The following CSMD2 variants were observed in gnomAD, a reference collection of about 807,000 sequenced individuals.
The protein encoded by CSMD2 is CUB and Sushi multiple domains 2, also known as CUB and sushi domain-containing protein 2.
A neutral mutation model predicts 398.5 loss-of-function variants in CSMD2; 130 were observed. The observed-to-expected ratio is 0.33, with a 90% CI of 0.28 to 0.38. The LOEUF (loss-of-function observed/expected upper bound fraction) is 0.38. Among genes scored for constraint, CSMD2 ranks in the 10% least tolerant of loss-of-function variants. The probability of loss-of-function intolerance (pLI) is 1.00; values close to 1 mark genes in which losing one functional copy is unlikely to be tolerated. For missense variants in CSMD2, 3,829 were observed against 4,764.9 expected, an observed-to-expected ratio of 0.80 and a Z score of 5.78; for synonymous variants, 1,828 against 1,908.5, an observed-to-expected ratio of 0.96 and a Z score of 1.10.
intron 3 of CSMD2, among the ~76,000 whole-genome samples, chr1:34,017,331 G>A (rs1648270009): frequency 6.6e-6 from 1 of 152,224 alleles, no homozygotes; most frequent in Admixed American, 6.5e-5. Flanking sequence ...TCTTCTGTGA[G>A]AGAAACTCTC....
chr1:33,571,492 G>A (rs1557553737), intron 51 of CSMD2, 40 bp downstream of exon 51: 1 of 1,372,642 alleles, frequency 7.3e-7, no homozygotes. Flanking sequence ...AGGTAGGAGG[G>A]ACCCTGCTAA....
Position 34,163,357 on chromosome 1 carries a change from G to A in CSMD2, c.187+1554C>T, listed in dbSNP as rs1426417299. On this transcript the variant is annotated intron_variant, in intron 1 of 70. Transcript: ENST00000373381. This position sits in a 1 kb window ranked among gnomAD's most constrained non-coding sequence, Gnocchi z 5.4. ...GCGCGCACCGCGGGCGCCCCTCTCT[G>A]GGTGTCGGTGGCTATGACTCTTAGC... Among the ~76,000 whole-genome samples, 1 of 152,210 alleles carries A rather than the reference G, an allele frequency of 6.6e-6. No individual in the cohort carries two copies. Among genetic ancestry groups the A allele is most frequent in the East Asian group, 1.9e-4 (1 of 5,168 alleles).
intron 13 of CSMD2, among the ~76,000 whole-genome samples, chr1:33,764,799 A>G (rs1309027584): frequency 1.3e-5 from 2 of 152,226 alleles, no homozygotes; most frequent in Non-Finnish European, 2.9e-5. Flanking sequence ...TATTGTGATC[A>G]TATTTTCTGG....
intron 12 of CSMD2, among the ~76,000 whole-genome samples, chr1:33,774,553 A>G (rs1316497374): frequency 2.0e-5 from 3 of 152,150 alleles, no homozygotes; most frequent in African/African-American, 4.8e-5. Flanking sequence ...GAGGGCTGTC[A>G]CTGCAGGCAT....
At chr1:33,944,435 T>C (rs1644778762) in intron 3 of CSMD2, among the ~76,000 whole-genome samples, 1 of 152,172 alleles carries the variant, frequency 6.6e-6, no homozygotes, top group Non-Finnish European at 1.5e-5. Context: ...CATTTGGCCC[T>C]GGGGACAGGT....
intron 12 of CSMD2, among the ~76,000 whole-genome samples, chr1:33,776,145 C>A (rs999433741): frequency 6.6e-6 from 1 of 152,054 alleles, no homozygotes. Context: ...ACAGGAGAAA[C>A]TTGACCATAT....
At chr1:33,774,256 C>T (rs1049901566) in intron 12 of CSMD2, among the ~76,000 whole-genome samples, 1 of 152,008 alleles carries the variant, frequency 6.6e-6, no homozygotes, top group African/African-American at 2.4e-5. Context: ...AGCCCACTTG[C>T]CTCTCACCTC....
intron 44 of CSMD2, among the ~76,000 whole-genome samples, chr1:33,597,934 C>T (rs1357635099): frequency 1.3e-5 from 2 of 152,168 alleles, no homozygotes; most frequent in Non-Finnish European, 2.9e-5. Context: ...ACATGAATTT[C>T]AAAAACTTAA....
At chr1:33,708,007 T>C (rs1426136500) in intron 22 of CSMD2, among the ~76,000 whole-genome samples, 1 of 152,244 alleles carries the variant, frequency 6.6e-6, no homozygotes, top group Admixed American at 6.5e-5. Flanking sequence ...ATGCTTTGTA[T>C]GAGGCTTTCC....
At position 33,724,675 on chromosome 1, in the gene CSMD2, C is replaced by A. The variant is rs1371304510; in HGVS notation, c.2725G>T (p.Asp909Tyr). The A allele has an allele frequency of 6.2e-7, 1 of 1,614,146 alleles. No homozygotes were observed. The highest frequency in any genetic ancestry group is 8.5e-7 in the Non-Finnish European group (1 of 1,180,010). The change falls in exon 18 of 71, where the codon GAT becomes TAT. Residue 909 changes from aspartate (D) to tyrosine (Y), a missense_variant. Asp to Tyr is a radical substitution (Grantham distance 160). Transcript: ENST00000373381. ...TITLQSDHCL[D>Y]PGIPVNGQRH... ...TGTCCATTTACTGGGATTCCTGGAT[C>A]CAGACAGTGGTCTGACTGCAGTGTT...
chr1:33,988,752 T>C (rs1333509671), intron 3 of CSMD2, among the ~76,000 whole-genome samples: 1 of 151,824 alleles, frequency 6.6e-6, no homozygotes, highest in African/African-American at 2.4e-5. Context: ...GGGATGCTGA[T>C]AGGGAATCAA....
intron 13 of CSMD2, among the ~76,000 whole-genome samples, chr1:33,750,274 C>T (rs757973018): frequency 6.6e-6 from 1 of 151,994 alleles, no homozygotes; most frequent in Non-Finnish European, 1.5e-5. Flanking sequence ...CAGGTGAAAA[C>T]AGCCGAGCTC....
intron 52 of CSMD2, among the ~76,000 whole-genome samples, chr1:33,568,858 T>A (rs950613645): frequency 1.3e-5 from 2 of 151,914 alleles, no homozygotes; most frequent in Admixed American, 1.3e-4. Context: ...CCAAGAAAGG[T>A]GTGAGAGGAG....
At chr1:33,908,489 G>A (rs899710366) in intron 5 of CSMD2, among the ~76,000 whole-genome samples, 3 of 152,232 alleles carry the variant, frequency 2.0e-5, no homozygotes, top group Non-Finnish European at 2.9e-5. Context: ...AGGCCGCCTC[G>A]CAGATGAGGC....
intron 3 of CSMD2, among the ~76,000 whole-genome samples, chr1:33,983,163 G>C (rs1001367954): frequency 6.6e-6 from 1 of 152,188 alleles, no homozygotes; most frequent in Non-Finnish European, 1.5e-5. Flanking sequence ...TCTGCAGAGG[G>C]AGACTGGAGG....
At chr1:33,778,080 C>T (rs1464694382) in intron 12 of CSMD2, among the ~76,000 whole-genome samples, 5 of 152,304 alleles carry the variant, frequency 3.3e-5, no homozygotes, top group Non-Finnish European at 7.3e-5. Context: ...GCATGACTAA[C>T]GCCTTGCATT....
intron 3 of CSMD2, among the ~76,000 whole-genome samples, chr1:34,028,552 C>G (rs567682664): frequency 6.6e-6 from 1 of 152,294 alleles, no homozygotes; most frequent in South Asian, 2.1e-4. Context: ...TCCAGTTTAC[C>G]TGCCTGTGAA....
At chr1:33,677,084 G>A (rs1452586031) in intron 25 of CSMD2, among the ~76,000 whole-genome samples, 2 of 152,096 alleles carry the variant, frequency 1.3e-5, no homozygotes, top group African/African-American at 4.8e-5. Flanking sequence ...CAAAAGCAAT[G>A]GGAACAAAAG....
At chr1:33,964,392 T>C (rs1466511530) in intron 3 of CSMD2, among the ~76,000 whole-genome samples, 1 of 152,228 alleles carries the variant, frequency 6.6e-6, no homozygotes, top group Non-Finnish European at 1.5e-5. Context: ...TGTAATTCTC[T>C]TTGAATCTCT....
Sources: gnomAD v4.1 joint callset for allele counts (sites outside exome capture counted in the v4.1 genomes callset) on GRCh38, gnomAD v4.1.1 for gene constraint, Gnocchi (gnomAD v3.1) non-coding constraint, MANE v1.5 for transcripts, NCBI Gene and HGNC (gene_info 2026-07-23, HGNC 2026-07-21) for gene names.